THSD7B: variants seen among roughly 807,000 people sequenced by gnomAD.
THSD7B encodes thrombospondin type 1 domain containing 7B, also known as thrombospondin type-1 domain-containing protein 7B.
THSD7B carries 138 observed loss-of-function variants against 213.6 expected under a neutral mutation model. That is an observed-to-expected ratio of 0.65 (90% CI 0.56 to 0.74). THSD7B has a LOEUF of 0.74. Ranked by LOEUF, THSD7B falls within the 30% of genes least tolerant of loss-of-function variation. The probability of loss-of-function intolerance (pLI) is 0.00; values close to 1 mark genes in which losing one functional copy is unlikely to be tolerated. For synonymous variants in THSD7B, 742 were observed against 687.0 expected, an observed-to-expected ratio of 1.08 and a Z score of -1.25; for missense variants, 1,931 against 1,991.5, an observed-to-expected ratio of 0.97 and a Z score of 0.58.
chr2:137,027,513 C>T (rs1486706711), intron 2 of THSD7B, among the ~76,000 whole-genome samples: 2 of 152,206 alleles, frequency 1.3e-5, no homozygotes, highest in Non-Finnish European at 2.9e-5. Flanking sequence ...ATAGCCATAT[C>T]TATATGCATG....
chr2:137,025,903 C>A (rs953944189), intron 2 of THSD7B, among the ~76,000 whole-genome samples: 2 of 152,092 alleles, frequency 1.3e-5, no homozygotes, highest in African/African-American at 4.8e-5. Context: ...TCTGCCACAT[C>A]TACTCCTCTG....
At chr2:136,987,707 T>A (rs1685694686) in intron 2 of THSD7B, among the ~76,000 whole-genome samples, 2 of 152,234 alleles carry the variant, frequency 1.3e-5, no homozygotes, top group African/African-American at 4.8e-5. Context: ...TTTCATGTAA[T>A]CTGATAATTG....
intron 2 of THSD7B, among the ~76,000 whole-genome samples, chr2:136,891,947 A>C (rs1257444638): frequency 6.6e-6 from 1 of 152,084 alleles, no homozygotes; most frequent in African/African-American, 2.4e-5. Context: ...GGCTGGGGTC[A>C]TCTGGAGGGC....
chr2:137,216,918 G>A (rs952955853), intron 7 of THSD7B, among the ~76,000 whole-genome samples: 7 of 152,134 alleles, frequency 4.6e-5, no homozygotes, highest in Non-Finnish European at 8.8e-5. Context: ...GTTTGTTCCT[G>A]TATCTTCTAA....
At chr2:137,476,805 G>A (rs1558809104) in intron 15 of THSD7B, among the ~76,000 whole-genome samples, 1 of 152,142 alleles carries the variant, frequency 6.6e-6, no homozygotes, top group Non-Finnish European at 1.5e-5. Flanking sequence ...CTCCCAAAGT[G>A]CTGGGATTAC....
intron 2 of THSD7B, chr2:136,906,346 G>T (rs747397882): frequency 6.6e-6 from 1 of 152,132 alleles, no homozygotes; most frequent in Non-Finnish European, 1.5e-5. Flanking sequence ...ATATATACAT[G>T]TGTTTGTATA....
chr2:136,780,824 A>T (rs2104905980), intron 1 of THSD7B, among the ~76,000 whole-genome samples: 1 of 152,300 alleles, frequency 6.6e-6, no homozygotes, highest in Non-Finnish European at 1.5e-5. Flanking sequence ...TCACTGAACA[A>T]TCCAGGCAGC....
At chr2:137,559,353 T>C (rs1681056085) in intron 15 of THSD7B, among the ~76,000 whole-genome samples, 1 of 152,178 alleles carries the variant, frequency 6.6e-6, no homozygotes, top group African/African-American at 2.4e-5. Flanking sequence ...ATGGTACTGG[T>C]ACCAAAACAG....
At chr2:137,339,899 C>T (rs1191102441) in intron 12 of THSD7B, among the ~76,000 whole-genome samples, 1 of 149,846 alleles carries the variant, frequency 6.7e-6, no homozygotes, top group African/African-American at 2.5e-5. Flanking sequence ...TAAATCAGAC[C>T]AACCTGTATT....
At chr2:137,220,113 G>A (rs1335507991) in intron 7 of THSD7B, among the ~76,000 whole-genome samples, 2 of 152,058 alleles carry the variant, frequency 1.3e-5, no homozygotes, top group African/African-American at 4.8e-5. Context: ...TGTATTTTCT[G>A]TTCCTTCCTG....
intron 12 of THSD7B, among the ~76,000 whole-genome samples, chr2:137,334,561 C>G (rs1461104850): frequency 6.6e-6 from 1 of 152,100 alleles, no homozygotes; most frequent in Non-Finnish European, 1.5e-5. Context: ...TCCATTTCTC[C>G]CCATTCCTCC....
chr2:136,849,648 T>C (rs1482679078), intron 1 of THSD7B, among the ~76,000 whole-genome samples: 1 of 152,108 alleles, frequency 6.6e-6, no homozygotes, highest in African/African-American at 2.4e-5. Context: ...GCAGTAAATA[T>C]AGCCTTGATC....
chr2:137,075,390 C>T (rs548752760), intron 3 of THSD7B, among the ~76,000 whole-genome samples: 1 of 152,326 alleles, frequency 6.6e-6, no homozygotes, highest in South Asian at 2.1e-4. Flanking sequence ...GCTACTGAGG[C>T]TTCTGCATTC....
intron 12 of THSD7B, among the ~76,000 whole-genome samples, chr2:137,372,053 A>G (rs1370528934): frequency 1.3e-5 from 2 of 152,120 alleles, no homozygotes; most frequent in Non-Finnish European, 2.9e-5. Context: ...TTTTCTGCTC[A>G]TACTAGCTTA....
chr2:137,357,926 T>G (rs1685170641), intron 12 of THSD7B, among the ~76,000 whole-genome samples: 1 of 152,228 alleles, frequency 6.6e-6, no homozygotes, highest in Admixed American at 6.5e-5. Flanking sequence ...GTATTTCCAA[T>G]AGTCCCCTTC....
In THSD7B at chr2:137,248,732, GT is replaced by G. The variant is rs1682098411; in HGVS notation, c.2266+6163del. ...TCCCAAATAATAGAGGGTCTGCTGT[GT>G]TTGAGTAATCAAAGCTTTGAGCCTG... is the stretch of plus-strand genomic sequence containing the variant. On this transcript the variant is annotated intron_variant, in intron 10 of 27. Transcript: ENST00000409968. Among the ~76,000 whole-genome samples the G allele has an allele frequency of 1.3e-5, 2 of 152,120 alleles. 1 individual carries two copies. The highest frequency in any genetic ancestry group is 1.3e-4 in the Admixed American group (2 of 15,274).
intron 6 of THSD7B, among the ~76,000 whole-genome samples, chr2:137,162,139 G>A (rs1680031136): frequency 6.6e-6 from 1 of 152,182 alleles, no homozygotes; most frequent in Non-Finnish European, 1.5e-5. Flanking sequence ...TCATGTAGCT[G>A]AAATGAGAAG....
At chr2:137,335,543 T>C (rs1283990474) in intron 12 of THSD7B, among the ~76,000 whole-genome samples, 1 of 152,192 alleles carries the variant, frequency 6.6e-6, no homozygotes, top group Non-Finnish European at 1.5e-5. Context: ...TAATACCCTA[T>C]GCTCACAACC....
intron 15 of THSD7B, among the ~76,000 whole-genome samples, chr2:137,519,904 T>A (rs1323824411): frequency 6.6e-6 from 1 of 152,202 alleles, no homozygotes; most frequent in East Asian, 1.9e-4. Flanking sequence ...TCTCAGAGAA[T>A]GAGTGAATCG....
Sources: allele counts gnomAD v4.1 joint callset (sites outside exome capture counted in the v4.1 genomes callset), GRCh38; gene constraint gnomAD v4.1.1; transcripts MANE v1.5; gene names NCBI Gene and HGNC (gene_info 2026-07-23, HGNC 2026-07-21).